The following OR51E2 variants were observed in gnomAD, a reference collection of about 807,000 sequenced individuals.
The protein encoded by OR51E2 is olfactory receptor 51E2.
OR51E2 carries 14 observed loss-of-function variants against 13.7 expected under a neutral mutation model. That is an observed-to-expected ratio of 1.02 (90% CI 0.68 to 1.60). OR51E2 has a LOEUF of 1.60. OR51E2 is among the 40% of genes most tolerant of loss of function. The probability of loss-of-function intolerance (pLI) is 0.00; values close to 1 mark genes in which losing one functional copy is unlikely to be tolerated. For synonymous variants in OR51E2, 180 were observed against 157.6 expected (o/e 1.14, Z -1.07); for missense variants, 483 against 413.8 (o/e 1.17, Z -1.45).
chr11:4,684,188 C>T (rs1847489927), intron 1 of OR51E2, among the ~76,000 whole-genome samples: 1 of 152,162 alleles, frequency 6.6e-6, no homozygotes, highest in Non-Finnish European at 1.5e-5. Flanking sequence ...CATACTTCTG[C>T]CTGTATTTTC....
intron 1 of OR51E2, among the ~76,000 whole-genome samples, chr11:4,694,491 T>G (rs1051499391): frequency 1.4e-5 from 2 of 143,666 alleles, no homozygotes. Flanking sequence ...TATACGTGTA[T>G]ATATATATAT....
At chr11:4,694,570 A>G (rs1404135485) in intron 1 of OR51E2, among the ~76,000 whole-genome samples, 1 of 119,346 alleles carries the variant, frequency 8.4e-6, no homozygotes, top group Admixed American at 8.7e-5. Flanking sequence ...ACATACATAT[A>G]TATATACACA....
At chr11:4,682,806 A>T in intron 1 of OR51E2, 45 bp from the exon 2 acceptor site, 2 of 1,373,650 alleles carry the variant, frequency 1.5e-6, no homozygotes, top group Non-Finnish European at 2.0e-6. Flanking sequence ...TGGAAACTTG[A>T]AACTGACATC....
chr11:4,681,611 A>AT lies in OR51E2; in HGVS notation c.*137_*138insA. On this transcript the variant is annotated 3_prime_UTR_variant, in exon 2 of 2. Transcript: ENST00000396950. ...TATTCCACATAATAGTCCTTTAGGT[A>AT]GATGTACCATACTTTAGTTTACTAT... 1.2e-6 allele frequency: 1 copy of AT among 851,570 alleles called. No homozygotes were observed. The highest frequency in any genetic ancestry group is 2.6e-5 in the East Asian group (1 of 39,082). 52.8% of individuals were successfully genotyped at this position (851,570 alleles called of 1,614,324 possible). A position where few individuals can be genotyped will look rare whatever the true frequency, so the allele number is the denominator to read the frequency against.
chr11:4,690,995 C>T (rs1420038307), intron 1 of OR51E2: 1 of 454,700 alleles, frequency 2.2e-6, no homozygotes, highest in African/African-American at 2.0e-5. Context: ...AGGTTTCCTT[C>T]CTCTCTTCTG....
Position 4,681,597 on chromosome 11 carries a change from A to T in OR51E2, c.*152T>A. 1 of 748,428 alleles carries T rather than the reference A, an allele frequency of 1.3e-6. No homozygotes were observed. Among genetic ancestry groups the T allele is most frequent in the East Asian group, 2.6e-5 (1 of 37,772 alleles). 46.4% of individuals were successfully genotyped at this position (748,428 alleles called of 1,614,324 possible). A position where few individuals can be genotyped will look rare whatever the true frequency, so the allele number is the denominator to read the frequency against. On this transcript the variant is annotated 3_prime_UTR_variant, in exon 2 of 2. Transcript: ENST00000396950. ...TCATTAGTATGTATTATTCCACATA[A>T]TAGTCCTTTAGGTAGATGTACCATA...
chr11:4,688,379 T>A (rs1847538875), intron 1 of OR51E2, among the ~76,000 whole-genome samples: 1 of 152,180 alleles, frequency 6.6e-6, no homozygotes, highest in Admixed American at 6.5e-5. Context: ...GAGAATAGCA[T>A]GTGTGAACTC....
At position 4,697,637 on chromosome 11, in the gene OR51E2, A is replaced by G. The variant is rs1470567100; in HGVS notation, c.-51+16T>C. ...TAGAGTCAAGCATTTTCATTGAACA[A>G]AACAGTTTTACTTACAGAGCCCATA... On this transcript the variant is annotated intron_variant, in intron 1 of 1. Transcript: ENST00000396950. 6.5e-6 allele frequency: 1 copy of G among 152,676 alleles called. No individual in the cohort carries two copies. Among genetic ancestry groups the G allele is most frequent in the Non-Finnish European group, 1.5e-5 (1 of 68,060 alleles). 9.5% of individuals were successfully genotyped at this position (152,676 alleles called of 1,614,324 possible).
chr11:4,690,180 C>A (rs533962242), intron 1 of OR51E2, among the ~76,000 whole-genome samples: 2 of 151,654 alleles, frequency 1.3e-5, no homozygotes, highest in East Asian at 1.9e-4. Flanking sequence ...TCAGCAACAC[C>A]AGTTACTAGC....
chr11:4,691,225 G>A (rs1564887317), intron 1 of OR51E2: 1 of 456,828 alleles, frequency 2.2e-6, no homozygotes, highest in Non-Finnish European at 4.4e-6. Flanking sequence ...GCTACCATTG[G>A]TGTCAGCATT....
intron 1 of OR51E2, chr11:4,692,040 A>G (rs1847588341): frequency 2.8e-6 from 1 of 354,182 alleles, no homozygotes; most frequent in South Asian, 2.3e-5. Flanking sequence ...GAGTTTGCCA[A>G]TCATATTTCA....
chr11:4,691,957 G>A (rs1847587268), intron 1 of OR51E2, among the ~76,000 whole-genome samples: 1 of 152,148 alleles, frequency 6.6e-6, no homozygotes, highest in South Asian at 2.1e-4. Flanking sequence ...TGGCAGCTAT[G>A]TTTATATCAT....
At chr11:4,682,799 A>C (rs1459453327) in intron 1 of OR51E2, 38 bp from the exon 2 acceptor site, 1 of 1,427,504 alleles carries the variant, frequency 7.0e-7, no homozygotes, top group African/African-American at 1.4e-5. Flanking sequence ...AATGCCCTGG[A>C]AACTTGAAAC....
chr11:4,682,103 C>G lies in OR51E2; in HGVS notation c.609G>C (p.Leu203=). 1.2e-6 allele frequency: 2 copies of G among 1,614,194 alleles called. No homozygotes were observed. Among genetic ancestry groups the G allele is most frequent in the Non-Finnish European group, 1.7e-6 (2 of 1,180,038 alleles). Residue 203 remains leucine, a synonymous_variant, in exon 2 of 2, where the codon CTG becomes CTC. Transcript: ENST00000396950. ...ACATTACGTCCACGCCCATGACCAGCAGAATGGCAGTAAGACCATATACCA... is the reference window on the plus strand; with the variant it reads ...ACATTACGTCCACGCCCATGACCAGGAGAATGGCAGTAAGACCATATACCA... ...PNVVYGLTAI[L]LVMGVDVMFI... is the part of the protein sequence containing the mutation.
intron 1 of OR51E2, among the ~76,000 whole-genome samples, chr11:4,692,334 A>G (rs1847592279): frequency 6.6e-6 from 1 of 152,238 alleles, no homozygotes; most frequent in African/African-American, 2.4e-5. Context: ...TTTGGAAGAG[A>G]TGGTTAGAAC....
intron 1 of OR51E2, chr11:4,691,215 G>C: frequency 2.2e-6 from 1 of 456,828 alleles, no homozygotes; most frequent in Middle Eastern, 3.3e-4. Context: ...TATAAGAAGT[G>C]CTACCATTGG....
intron 1 of OR51E2, among the ~76,000 whole-genome samples, chr11:4,688,352 C>T (rs769473004): frequency 5.3e-5 from 8 of 151,914 alleles, no homozygotes; most frequent in East Asian, 1.9e-4. Flanking sequence ...CTCTGGAGGA[C>T]GAACATTCCA....
intron 1 of OR51E2, among the ~76,000 whole-genome samples, chr11:4,684,544 G>T (rs1847494178): frequency 6.6e-6 from 1 of 152,168 alleles, no homozygotes; most frequent in South Asian, 2.1e-4. Flanking sequence ...TGGAGGGAGA[G>T]CAAGGGGAAC....
intron 1 of OR51E2, among the ~76,000 whole-genome samples, chr11:4,695,403 A>G (rs1325352875): frequency 6.6e-6 from 1 of 152,190 alleles, no homozygotes; most frequent in African/African-American, 2.4e-5. Context: ...AGATATTTCC[A>G]AACAATTCAT....
Sources: allele counts gnomAD v4.1 joint callset (sites outside exome capture counted in the v4.1 genomes callset), GRCh38; gene constraint gnomAD v4.1.1; transcripts MANE v1.5; gene names NCBI Gene and HGNC (gene_info 2026-07-23, HGNC 2026-07-21).